The following SCN3A variants were observed in gnomAD, a reference collection of about 807,000 sequenced individuals.
The protein encoded by SCN3A is sodium channel protein type 3 subunit alpha.
Under a neutral mutation model 187.6 loss-of-function variants are expected in SCN3A, and 60 were observed. The ratio of observed to expected loss-of-function variants is 0.32; its 90% CI spans 0.26 to 0.40. SCN3A has a LOEUF of 0.40. Among genes scored for constraint, SCN3A ranks in the 10% least tolerant of loss-of-function variants. SCN3A has a pLI of 1.00. For missense variants in SCN3A, 1,601 were observed against 2,428.2 expected, an observed-to-expected ratio of 0.66 and a Z score of 7.16; for synonymous variants, 788 against 829.2, an observed-to-expected ratio of 0.95 and a Z score of 0.85.
chr2:165,190,586 TTA>T (rs1031925182), intron 1 of SCN3A, among the ~76,000 whole-genome samples: 11 of 143,220 alleles, frequency 7.7e-5, no homozygotes, highest in African/African-American at 2.2e-4. Context: ...ATATAAAACT[TTA>T]TATATATATA....
At chr2:165,130,362 G>A in intron 16 of SCN3A, 66 bp from the exon 17 acceptor site, 2 of 1,529,472 alleles carry the variant, frequency 1.3e-6, no homozygotes, top group Non-Finnish European at 1.8e-6. Context: ...TATTTTATTA[G>A]TATGTGGTAT....
chr2:165,136,422 T>C (rs935232400), intron 15 of SCN3A, among the ~76,000 whole-genome samples: 1 of 152,212 alleles, frequency 6.6e-6, no homozygotes, highest in African/African-American at 2.4e-5. Context: ...ATTGAGCACA[T>C]GCTAGATGCC....
chr2:165,137,213 C>A (rs1251389269), intron 15 of SCN3A, among the ~76,000 whole-genome samples: 1 of 152,072 alleles, frequency 6.6e-6, no homozygotes, highest in Non-Finnish European at 1.5e-5. Context: ...TGTTAGTCTA[C>A]CTTTTCCCTC....
At chr2:165,122,242 T>C (rs1686724677) in intron 18 of SCN3A, among the ~76,000 whole-genome samples, 1 of 148,272 alleles carries the variant, frequency 6.7e-6, no homozygotes, top group African/African-American at 2.5e-5. Flanking sequence ...TTTTTTTCTT[T>C]TTTTTTTTTT....
intron 18 of SCN3A, among the ~76,000 whole-genome samples, chr2:165,126,326 T>C (rs1219758358): frequency 6.6e-6 from 1 of 152,200 alleles, no homozygotes; most frequent in Non-Finnish European, 1.5e-5. Context: ...ATTACTACTA[T>C]GATAGAAACT....
chr2:165,194,900 C>T (rs1035726358), intron 1 of SCN3A: 3 of 151,968 alleles, frequency 2.0e-5, no homozygotes, highest in African/African-American at 7.3e-5. Context: ...CTTCAGGCTC[C>T]GAGCACATCA....
In SCN3A at chr2:165,087,732, GT is replaced by G. The variant is rs1323727035; in HGVS notation, c.*2417del. The G allele has an allele frequency of 1.3e-5, 2 of 152,054 alleles. No homozygotes were observed. The highest frequency in any genetic ancestry group is 2.9e-5 in the Non-Finnish European group (2 of 67,992). 9.4% of individuals were successfully genotyped at this position (152,054 alleles called of 1,614,324 possible). A position where few individuals can be genotyped will look rare whatever the true frequency, so the allele number is the denominator to read the frequency against. ...ATTAATACCTTATGTATACATAGGA[GT>G]TTATATAATGCATTTAAGTAACAAA... On this transcript the variant is annotated 3_prime_UTR_variant, in exon 28 of 28. Coordinates refer to ENST00000283254, the MANE Select transcript of SCN3A (RefSeq NM_006922.4).
Position 165,113,914 on chromosome 2 carries a change from T to C in SCN3A, c.3571A>G (p.Ile1191Val), listed in dbSNP as rs1054926484. 2 of 1,613,296 alleles carry C rather than the reference T, an allele frequency of 1.2e-6. No individual in the cohort carries two copies. The highest frequency in any genetic ancestry group is 2.7e-5 in the African/African-American group (2 of 74,916). Residue 1191 changes from isoleucine to valine, a missense_variant, in exon 20 of 28, where the codon ATC becomes GTC. By Grantham distance (29) the Ile-to-Val change is conservative. Around this residue, in one of 11 missense-constraint regions of SCN3A, gnomAD observed 267 missense variants for 313.2 expected, o/e 0.85. Coordinates refer to ENST00000283254, the MANE Select transcript of SCN3A (RefSeq NM_006922.4). ...QVSTEEGKGK[I>V]WWNLRKTCYS... ...CAGGTTTTTCGAAGATTCCACCAGA[T>C]CTTCCCTTTGCCTTCTTCTGTACTT...
At chr2:165,112,213 A>T (rs572479871) in intron 21 of SCN3A, among the ~76,000 whole-genome samples, 2 of 152,344 alleles carry the variant, frequency 1.3e-5, no homozygotes, top group East Asian at 3.9e-4. Flanking sequence ...ACTTGCAATA[A>T]AAAAACAGGC....
rs748288526 is a variant in SCN3A at position 165,100,263 on chromosome 2, A to C, written c.3966+39T>G. 6.9e-6 allele frequency: 11 copies of C among 1,604,530 alleles called. No individual in the cohort carries two copies. In the South Asian group the frequency reaches 8.8e-5, roughly 13 times the overall value. On this transcript the variant is annotated intron_variant, in intron 22 of 27. Coordinates refer to ENST00000283254, the MANE Select transcript of SCN3A (RefSeq NM_006922.4). ...TCTATCTAAATCATTACCTACATGTAATTTTGACATGAATAATTAGAGTGT... is the reference window on the plus strand; with the variant it reads ...TCTATCTAAATCATTACCTACATGTCATTTTGACATGAATAATTAGAGTGT...
chr2:165,132,172 G>C (rs1268090110), intron 15 of SCN3A, among the ~76,000 whole-genome samples: 1 of 152,164 alleles, frequency 6.6e-6, no homozygotes, highest in Non-Finnish European at 1.5e-5. Context: ...TCATGGGTAG[G>C]AAGAATCAAT....
Position 165,096,499 on chromosome 2 carries a change from C to T in SCN3A, c.4261G>A (p.Asp1421Asn), listed in dbSNP as rs1457401377. 1.2e-6 allele frequency: 2 copies of T among 1,611,520 alleles called. No individual in the cohort carries two copies. The highest frequency in any genetic ancestry group is 1.7e-6 in the Non-Finnish European group (2 of 1,177,994). ...GAATCAACAGCTGCATACATAATAT[C>T]CATCCAGCCTTTAAATGTGGCCTGT... ...LQVATFKGWMDIMYAAVDSRD... is the reference protein window; with the variant it reads ...LQVATFKGWMNIMYAAVDSRD... Residue 1421 changes from aspartate to asparagine, a missense_variant, in exon 24 of 28, where the codon GAT becomes AAT. Transcript: ENST00000283254.
intron 12 of SCN3A, 84 bp downstream of exon 12, chr2:165,146,655 A>G: frequency 1.4e-6 from 2 of 1,460,234 alleles, no homozygotes; most frequent in African/African-American, 2.8e-5. Context: ...GTCAGATAGT[A>G]CAAAAGTGTA....
chr2:165,180,803 T>C (rs1018198003), intron 2 of SCN3A, among the ~76,000 whole-genome samples: 1 of 152,032 alleles, frequency 6.6e-6, no homozygotes, highest in Non-Finnish European at 1.5e-5. Context: ...GGAAAGATGG[T>C]GGCAGTATGA....
intron 2 of SCN3A, among the ~76,000 whole-genome samples, chr2:165,178,894 C>T (rs1389438654): frequency 6.6e-6 from 1 of 151,910 alleles, no homozygotes; most frequent in Non-Finnish European, 1.5e-5. Context: ...TTGATGATCA[C>T]ATCATCAATC....
intron 18 of SCN3A, among the ~76,000 whole-genome samples, chr2:165,127,125 C>T (rs770694520): frequency 4.7e-4 from 72 of 152,250 alleles, no homozygotes; most frequent in African/African-American, 1.6e-3. Context: ...ATGATGTGAT[C>T]GTGGCTCACT....
chr2:165,130,254 T>C lies in SCN3A; in HGVS notation c.2608A>G (p.Met870Val). 3 of 1,614,166 alleles carry C rather than the reference T, an allele frequency of 1.9e-6. No homozygotes were observed. The highest frequency in any genetic ancestry group is 2.5e-6 in the Non-Finnish European group (3 of 1,180,024). The change falls in exon 17 of 28, where the codon ATG becomes GTG. Residue 870 changes from methionine to valine, a missense_variant. Transcript: ENST00000283254. ...GAATTGCCAATGATCTTAATTAGCA[T>C]ATTTAGTGTGGGCCAGGATTTTGCC... ...KLAKSWPTLN[M>V]LIKIIGNSVG...
intron 11 of SCN3A, among the ~76,000 whole-genome samples, chr2:165,147,860 A>C (rs1328890378): frequency 1.3e-5 from 2 of 152,202 alleles, no homozygotes; most frequent in African/African-American, 4.8e-5. Flanking sequence ...TAGTATTTTT[A>C]GACTGGAAAT....
At chr2:165,154,385 T>A in intron 11 of SCN3A, 67 bp downstream of exon 11, 1 of 1,530,992 alleles carries the variant, frequency 6.5e-7, no homozygotes, top group Middle Eastern at 1.7e-4. Flanking sequence ...CCCTCTATAG[T>A]ATAACACTAT....
Sources: allele counts gnomAD v4.1 joint callset (sites outside exome capture counted in the v4.1 genomes callset), GRCh38; gene constraint gnomAD v4.1.1; regional missense constraint gnomAD v4.1.1; transcripts MANE v1.5; gene names NCBI Gene and HGNC (gene_info 2026-07-23, HGNC 2026-07-21).